The following CDH13 variants were observed in gnomAD, a reference collection of about 807,000 sequenced individuals.
The protein encoded by CDH13 is cadherin-13.
Under a neutral mutation model 63.8 loss-of-function variants are expected in CDH13, and 24 were observed. The ratio of observed to expected loss-of-function variants is 0.38; its 90% CI spans 0.27 to 0.53. The LOEUF (loss-of-function observed/expected upper bound fraction) is 0.53. Among genes scored for constraint, CDH13 ranks in the 20% least tolerant of loss-of-function variants. The pLI, the probability that CDH13 is intolerant of heterozygous loss-of-function variation, is 0.85. For synonymous variants in CDH13, 503 were observed against 355.3 expected (o/e 1.42, Z -4.67); for missense variants, 1,049 against 903.1 (o/e 1.16, Z -2.07).
chr16:82,824,619 G>A (rs1455133959), intron 1 of CDH13: 1 of 152,120 alleles, frequency 6.6e-6, no homozygotes, highest in African/African-American at 2.4e-5. Flanking sequence ...GAAACACAGT[G>A]GACAGGCGAA....
Position 82,866,377 on chromosome 16 carries a change from C to CTTTTTTTTTTTTTTTTTTTTTT in CDH13, c.157+7912_157+7933dup, listed in dbSNP as rs538206338. On this transcript the variant is annotated intron_variant, in intron 2 of 13. Transcript: ENST00000567109. The stretch of plus-strand genomic sequence containing the variant: ...TCTGTTTTCTTTTCTTTTTCTTCTT[C>CTTTTTTTTTTTTTTTTTTTTTT]TTTTTTTTTTTTTTTTTTTTTTTTT... Among the ~76,000 whole-genome samples, 11 of 58,298 alleles carry CTTTTTTTTTTTTTTTTTTTTTT rather than the reference C, an allele frequency of 1.9e-4. 2 individuals carry two copies. Among genetic ancestry groups the CTTTTTTTTTTTTTTTTTTTTTT allele is most frequent in the African/African-American group, 4.3e-4 (5 of 11,530 alleles). The allele number at this position is 58,298 out of a possible 152,430, so 38.2% of individuals were successfully genotyped here. A position where few individuals can be genotyped will look rare whatever the true frequency, so the allele number is the denominator to read the frequency against.
intron 7 of CDH13, among the ~76,000 whole-genome samples, chr16:83,578,710 A>C (rs1905263178): frequency 6.6e-6 from 1 of 152,194 alleles, no homozygotes; most frequent in South Asian, 2.1e-4. Context: ...CTCCAACTTC[A>C]AACACCTTAC....
At chr16:83,375,083 T>C (rs1294535376) in intron 6 of CDH13, among the ~76,000 whole-genome samples, 1 of 152,220 alleles carries the variant, frequency 6.6e-6, no homozygotes, top group Admixed American at 6.5e-5. Context: ...GTTTCTTTAA[T>C]TCTGTCTGTG....
chr16:83,785,126 G>A (rs1198843410), intron 13 of CDH13, among the ~76,000 whole-genome samples: 1 of 152,220 alleles, frequency 6.6e-6, no homozygotes, highest in Admixed American at 6.5e-5. Context: ...GCTAAACGTT[G>A]AGCAGGGGTG....
In CDH13 at chr16:83,384,570, C is replaced by T. The variant is rs185915393; in HGVS notation, c.781+39564C>T. 5.9e-5 allele frequency among the ~76,000 whole-genome samples: 9 copies of T among 152,328 alleles called. No homozygotes were observed. The East Asian group carries it at 1.7e-3, about 29-fold the overall frequency. ...GGTTAACACCCTGTGGGAACACGAG[C>T]AGAAGGAATGGTTCTGCCAAAGGCA... On this transcript the variant is annotated intron_variant, in intron 6 of 13. Coordinates refer to ENST00000567109, the MANE Select transcript of CDH13 (RefSeq NM_001257.5).
chr16:83,516,203 C>T (rs2074695674), intron 7 of CDH13, among the ~76,000 whole-genome samples: 4 of 152,200 alleles, frequency 2.6e-5, no homozygotes, highest in Admixed American at 2.6e-4. Flanking sequence ...GCGTTTTACA[C>T]TCAAAGTTTT....
intron 8 of CDH13, among the ~76,000 whole-genome samples, chr16:83,606,755 C>G (rs1908374996): frequency 6.8e-6 from 1 of 147,374 alleles, no homozygotes; most frequent in African/African-American, 2.6e-5. Flanking sequence ...TGCAGGTAGA[C>G]AGACCCAGGC....
chr16:83,608,078 A>G (rs1177356592), intron 8 of CDH13, among the ~76,000 whole-genome samples: 1 of 152,232 alleles, frequency 6.6e-6, no homozygotes, highest in Non-Finnish European at 1.5e-5. Flanking sequence ...TAAAAAAAAC[A>G]GAAAATTTCA....
chr16:83,376,515 G>C (rs1414932267), intron 6 of CDH13, among the ~76,000 whole-genome samples: 1 of 152,136 alleles, frequency 6.6e-6, no homozygotes, highest in African/African-American at 2.4e-5. Flanking sequence ...GATGAGTTTT[G>C]AGTAAAAACG....
intron 1 of CDH13, among the ~76,000 whole-genome samples, chr16:82,799,138 C>T (rs1006188559): frequency 6.8e-6 from 1 of 147,880 alleles, no homozygotes; most frequent in African/African-American, 2.5e-5. Flanking sequence ...CCCTAAAATG[C>T]CTTCAGCGTG....
At chr16:83,364,418 C>G (rs115661493) in intron 6 of CDH13, among the ~76,000 whole-genome samples, 1 of 152,126 alleles carries the variant, frequency 6.6e-6, no homozygotes, top group Non-Finnish European at 1.5e-5. Flanking sequence ...TGCATTATCC[C>G]GAGAAATAGA....
intron 7 of CDH13, among the ~76,000 whole-genome samples, chr16:83,570,521 G>A (rs1023523020): frequency 6.6e-5 from 10 of 151,908 alleles, no homozygotes; most frequent in Non-Finnish European, 1.5e-4. Context: ...CCGTACTCAT[G>A]GTCTAGCGTG....
chr16:83,448,453 G>A (rs148008382), intron 6 of CDH13, among the ~76,000 whole-genome samples: 10 of 152,282 alleles, frequency 6.6e-5, no homozygotes, highest in African/African-American at 2.4e-4. Context: ...GATGCTCAAT[G>A]GCTGTGTGCC....
chr16:82,741,775 A>G (rs1374474326), intron 1 of CDH13, among the ~76,000 whole-genome samples: 2 of 152,232 alleles, frequency 1.3e-5, no homozygotes, highest in African/African-American at 2.4e-5. Flanking sequence ...CAAATAGGGA[A>G]TTATGTTTTT....
chr16:83,047,496 G>GT lies in CDH13; in HGVS notation c.366+15279dup, dbSNP rs1917909377. ...TTTCCTCTTTCCCTCAGGCCTTTGC[G>GT]TAATATTTTCTCTGCATGGAAGGGG... is the stretch of plus-strand genomic sequence containing the variant. On this transcript the variant is annotated intron_variant, in intron 3 of 13. Transcript: ENST00000567109. This position sits in a 1 kb window ranked among gnomAD's most constrained non-coding sequence, Gnocchi z 4.9. 1.3e-5 allele frequency among the ~76,000 whole-genome samples: 2 copies of GT among 151,842 alleles called. No individual in the cohort carries two copies. Among genetic ancestry groups the GT allele is most frequent in the South Asian group, 4.2e-4 (2 of 4,810 alleles).
chr16:83,384,425 A>C (rs1431968247), intron 6 of CDH13, among the ~76,000 whole-genome samples: 1 of 152,202 alleles, frequency 6.6e-6, no homozygotes, highest in Admixed American at 6.5e-5. Context: ...AGGCGAATTT[A>C]TGGACAGAAC....
chr16:83,056,623 G>C (rs996456277), intron 3 of CDH13, among the ~76,000 whole-genome samples: 8 of 152,302 alleles, frequency 5.3e-5, no homozygotes, highest in African/African-American at 1.9e-4. Flanking sequence ...AGATGGTGAT[G>C]TGAACTAATC....
intron 10 of CDH13, among the ~76,000 whole-genome samples, chr16:83,729,961 G>T (rs991191246): frequency 6.6e-6 from 1 of 152,196 alleles, no homozygotes; most frequent in East Asian, 1.9e-4. Flanking sequence ...AGTCATTACC[G>T]TGCTTGTGAG....
intron 2 of CDH13, among the ~76,000 whole-genome samples, chr16:83,005,077 C>A (rs7199805): frequency 0.39 from 58,885 of 151,990 alleles, 11,568 homozygotes; most frequent in Non-Finnish European, 0.42. Flanking sequence ...GGCTATGGCC[C>A]GCTGCAATGG....
Sources: gnomAD v4.1 joint callset for allele counts (sites outside exome capture counted in the v4.1 genomes callset) on GRCh38, gnomAD v4.1.1 for gene constraint, Gnocchi (gnomAD v3.1) non-coding constraint, MANE v1.5 for transcripts, NCBI Gene and HGNC (gene_info 2026-07-23, HGNC 2026-07-21) for gene names.